Variants in TRRAP observed in about 807,000 individuals in gnomAD.
TRRAP encodes transformation/transcription domain-associated protein.
Under a neutral mutation model 438.8 loss-of-function variants are expected in TRRAP, and 41 were observed. That is an observed-to-expected ratio of 0.09 (90% CI 0.07 to 0.12). The LOEUF (loss-of-function observed/expected upper bound fraction) is 0.12. TRRAP is among the 10% of genes least tolerant of loss of function. TRRAP has a pLI of 1.00. For synonymous variants in TRRAP, 1,994 were observed against 1,962.9 expected (o/e 1.02, Z -0.42); for missense variants, 3,122 against 5,055.1 (o/e 0.62, Z 11.60).
At chr7:98,919,987 G>A (rs1789707345) in intron 20 of TRRAP, among the ~76,000 whole-genome samples, 1 of 152,136 alleles carries the variant, frequency 6.6e-6, no homozygotes, top group Admixed American at 6.5e-5. Flanking sequence ...GGGTGGGCCT[G>A]GTGGAGGGTA....
intron 19 of TRRAP, among the ~76,000 whole-genome samples, chr7:98,916,159 G>T (rs1377766618): frequency 6.6e-6 from 1 of 152,030 alleles, no homozygotes; most frequent in Non-Finnish European, 1.5e-5. Context: ...CTAGGGCTTG[G>T]TTGCATTTTT....
chr7:98,955,030 A>AGG, intron 40 of TRRAP, 68 bp from the exon 41 acceptor site: 6 of 1,504,080 alleles, frequency 4.0e-6, no homozygotes. Context: ...CTTGACACCA[A>AGG]GGGATTGTCT....
chr7:98,897,659 T>C, intron 7 of TRRAP, 82 bp from the exon 8 acceptor site: 1 of 1,472,786 alleles, frequency 6.8e-7, no homozygotes, highest in Non-Finnish European at 9.1e-7. Flanking sequence ...AAGCGTCTTT[T>C]TGTTTTGTTT....
Position 98,937,638 on chromosome 7 carries a change from C to T in TRRAP, c.4234-12C>T. ...TTGTCTATTTTTCTTTACAACTTTT[C>T]TTTTTTAATAGTTTTTAGAAGGTGC... On this transcript the variant is annotated splice_polypyrimidine_tract_variant and intron_variant, in intron 29 of 72. Coordinates refer to ENST00000456197, the MANE Select transcript of TRRAP (RefSeq NM_001375524.1). The T allele has an allele frequency of 6.3e-7, 1 of 1,588,354 alleles. No homozygotes were observed. The highest frequency in any genetic ancestry group is 8.5e-7 in the Non-Finnish European group (1 of 1,170,328).
intron 18 of TRRAP, among the ~76,000 whole-genome samples, chr7:98,914,538 C>T (rs1390076534): frequency 6.6e-6 from 1 of 151,178 alleles, no homozygotes; most frequent in Admixed American, 6.6e-5. Flanking sequence ...CAGAATAAAA[C>T]CTATCGGGAC....
In TRRAP at chr7:98,958,192, A is replaced by G. The variant is rs1219967832; in HGVS notation, c.6342+101A>G. On this transcript the variant is annotated intron_variant, in intron 44 of 72. Coordinates refer to ENST00000456197, the MANE Select transcript of TRRAP (RefSeq NM_001375524.1). ...GTGGCAATTTCATCAAAAAAGATAC[A>G]GACAAACCAAGGTCTGCCAGCTGGT... The G allele has an allele frequency of 1.4e-5, 14 of 989,418 alleles. No individual in the cohort carries two copies. The East Asian group carries it at 3.8e-4, about 27-fold the overall frequency. 61.3% of individuals were successfully genotyped at this position (989,418 alleles called of 1,614,324 possible).
At chr7:98,970,522 T>A (rs1204450043) in intron 52 of TRRAP, among the ~76,000 whole-genome samples, 1 of 152,186 alleles carries the variant, frequency 6.6e-6, no homozygotes, top group Non-Finnish European at 1.5e-5. Context: ...CAGCTTTAGA[T>A]TTGTTTTGGG....
At chr7:99,004,155 A>G in intron 67 of TRRAP, 35 bp from the exon 68 acceptor site, 1 of 1,591,282 alleles carries the variant, frequency 6.3e-7, no homozygotes, top group East Asian at 2.2e-5. Context: ...GGCCCAGATG[A>G]CTAAAAACGT....
chr7:98,977,980 G>A (rs1485477113), intron 56 of TRRAP, among the ~76,000 whole-genome samples: 1 of 152,226 alleles, frequency 6.6e-6, no homozygotes, highest in African/African-American at 2.4e-5. Context: ...GGCCATGGCA[G>A]TGAAAAGGCT....
intron 14 of TRRAP, 24 bp from the exon 15 acceptor site, chr7:98,910,032 C>T (rs1308823094): frequency 1.3e-6 from 2 of 1,533,808 alleles, no homozygotes; most frequent in Non-Finnish European, 1.8e-6. Context: ...TCTGTCTTCC[C>T]TCTTGAATTT....
intron 23 of TRRAP, among the ~76,000 whole-genome samples, chr7:98,927,962 G>T (rs1162798417): frequency 2.0e-5 from 3 of 152,176 alleles, no homozygotes; most frequent in Non-Finnish European, 4.4e-5. Flanking sequence ...AAAATGGCCA[G>T]GCACGGTGGC....
chr7:98,881,462 C>A (rs986858007), intron 2 of TRRAP, among the ~76,000 whole-genome samples: 1 of 151,564 alleles, frequency 6.6e-6, no homozygotes, highest in Non-Finnish European at 1.5e-5. Context: ...GTCCCAGCTA[C>A]TTGGGAGGCT....
chr7:98,990,504 C>T lies in TRRAP; in HGVS notation c.9641C>T (p.Ala3214Val). The T allele has an allele frequency of 1.2e-6, 2 of 1,613,984 alleles. No homozygotes were observed. Among genetic ancestry groups the T allele is most frequent in the East Asian group, 2.2e-5 (1 of 44,868 alleles). Residue 3214 changes from alanine to valine, a missense_variant, in exon 64 of 73, where the codon GCC becomes GTC. Transcript: ENST00000456197. ...FDDDKNTLADAVDKYCIGVPP... is the reference protein window; with the variant it reads ...FDDDKNTLADVVDKYCIGVPP... ...GATGACAAAAACACTTTGGCAGATG[C>T]CGTCGACAAGTACTGCATTGGTGTG...
At chr7:98,891,253 C>G (rs1369581750) in intron 4 of TRRAP, among the ~76,000 whole-genome samples, 1 of 141,604 alleles carries the variant, frequency 7.1e-6, no homozygotes, top group Non-Finnish European at 1.5e-5. Flanking sequence ...GCTCTGTCAC[C>G]CAGGCTGGAG....
At chr7:98,965,416 G>A (rs1792107626) in intron 48 of TRRAP, among the ~76,000 whole-genome samples, 1 of 152,148 alleles carries the variant, frequency 6.6e-6, no homozygotes, top group Non-Finnish European at 1.5e-5. Flanking sequence ...GCACCTCAGA[G>A]TACAGGGGCC....
chr7:98,895,214 T>A (rs1421290247), intron 6 of TRRAP, among the ~76,000 whole-genome samples: 3 of 152,228 alleles, frequency 2.0e-5, no homozygotes, highest in Non-Finnish European at 4.4e-5. Flanking sequence ...CCACAATTAT[T>A]TTTTAATGGG....
At chr7:98,931,078 GA>G (rs1790301817) in intron 25 of TRRAP, among the ~76,000 whole-genome samples, 1 of 152,194 alleles carries the variant, frequency 6.6e-6, no homozygotes, top group African/African-American at 2.4e-5. Flanking sequence ...CAGTGTGTCT[GA>G]AAAGGGGAAT....
intron 18 of TRRAP, among the ~76,000 whole-genome samples, chr7:98,914,073 CCTTAA>C (rs1789406916): frequency 6.6e-6 from 1 of 152,132 alleles, no homozygotes; most frequent in South Asian, 2.1e-4. Context: ...TTATCAACAA[CCTTAA>C]CTTTTGTGTT....
chr7:98,962,195 G>C, intron 46 of TRRAP, 107 bp from the exon 47 acceptor site: 1 of 1,548,632 alleles, frequency 6.5e-7, no homozygotes, highest in Non-Finnish European at 8.8e-7. Flanking sequence ...AGAAGTGCCC[G>C]TGCCAATCCC....
Sources: gnomAD v4.1 joint callset for allele counts (sites outside exome capture counted in the v4.1 genomes callset) on GRCh38, gnomAD v4.1.1 for gene constraint, MANE v1.5 for transcripts, NCBI Gene and HGNC (gene_info 2026-07-23, HGNC 2026-07-21) for gene names.